The following AGBL4 variants were observed in gnomAD, a reference collection of about 807,000 sequenced individuals.
The protein encoded by AGBL4 is cytosolic carboxypeptidase 6.
Under a neutral mutation model 66.4 loss-of-function variants are expected in AGBL4, and 58 were observed. The ratio of observed to expected loss-of-function variants is 0.87; its 90% CI spans 0.71 to 1.09. The LOEUF is 1.09. Among genes scored for constraint, AGBL4 ranks in the 50% least tolerant of loss-of-function variants. The probability of loss-of-function intolerance (pLI) is 0.00; values close to 1 mark genes in which losing one functional copy is unlikely to be tolerated. For synonymous variants in AGBL4, 234 were observed against 222.9 expected (o/e 1.05, Z -0.44); for missense variants, 579 against 631.0 (o/e 0.92, Z 0.88).
intron 4 of AGBL4, among the ~76,000 whole-genome samples, chr1:49,051,559 T>C (rs1571329028): frequency 6.6e-6 from 1 of 152,172 alleles, no homozygotes; most frequent in African/African-American, 2.4e-5. Context: ...TTGTCATCTA[T>C]GCCAACACAT....
At chr1:48,775,575 T>C (rs1194165282) in intron 6 of AGBL4, among the ~76,000 whole-genome samples, 2 of 152,208 alleles carry the variant, frequency 1.3e-5, no homozygotes, top group African/African-American at 4.8e-5. Context: ...AAAAGGCTGC[T>C]CCCCAAAACG....
intron 6 of AGBL4, among the ~76,000 whole-genome samples, chr1:48,789,977 C>T (rs1645508403): frequency 6.6e-6 from 1 of 152,228 alleles, no homozygotes; most frequent in Non-Finnish European, 1.5e-5. Context: ...TTAAGATGTT[C>T]AGTGCCTATC....
intron 3 of AGBL4, among the ~76,000 whole-genome samples, chr1:49,386,609 A>C (rs879826705): frequency 2.0e-5 from 3 of 151,974 alleles, no homozygotes; most frequent in Non-Finnish European, 4.4e-5. Context: ...TGGAAACACA[A>C]TGTACAGTAA....
intron 3 of AGBL4, among the ~76,000 whole-genome samples, chr1:49,327,873 G>T (rs1645256261): frequency 6.6e-6 from 1 of 152,188 alleles, no homozygotes; most frequent in South Asian, 2.1e-4. Context: ...AGATGATATG[G>T]GAAGAGGGAG....
intron 4 of AGBL4, among the ~76,000 whole-genome samples, chr1:49,185,305 C>T (rs568619043): frequency 6.6e-5 from 10 of 152,288 alleles, no homozygotes; most frequent in East Asian, 1.9e-4. Context: ...TTGCCAGAGA[C>T]GTTATAAACA....
At chr1:48,748,318 T>C (rs1651089512) in intron 6 of AGBL4, among the ~76,000 whole-genome samples, 1 of 152,212 alleles carries the variant, frequency 6.6e-6, no homozygotes, top group African/African-American at 2.4e-5. Context: ...CCCATTAGTC[T>C]TCCAGTGAAA....
chr1:50,006,624 C>A (rs1661149686), intron 1 of AGBL4, among the ~76,000 whole-genome samples: 1 of 150,942 alleles, frequency 6.6e-6, no homozygotes, highest in Non-Finnish European at 1.5e-5. Context: ...CAATGGAAAC[C>A]TTACAGGCCA....
rs530049597 is a variant in AGBL4 at position 49,573,581 on chromosome 1, G to A, written c.282+123732C>T. Among the ~76,000 whole-genome samples the A allele has an allele frequency of 1.9e-3, 282 of 152,212 alleles. 2 individuals are homozygous for A. The highest frequency in any genetic ancestry group is 6.4e-3 in the African/African-American group (267 of 41,548). On this transcript the variant is annotated intron_variant, in intron 3 of 13. Transcript: ENST00000371839. The stretch of plus-strand genomic sequence containing the variant: ...GTAATGAAAGAAAATAATGAACCCA[G>A]GGATTCTGTCTCCCAGCTTCAGAAA...
chr1:48,622,936 C>T (rs1645440469), intron 9 of AGBL4, among the ~76,000 whole-genome samples: 1 of 152,170 alleles, frequency 6.6e-6, no homozygotes, highest in South Asian at 2.1e-4. Context: ...GGTTAAGGAA[C>T]CTGCCCAAAG....
intron 6 of AGBL4, among the ~76,000 whole-genome samples, chr1:48,670,841 G>C (rs1403646624): frequency 1.3e-5 from 2 of 152,256 alleles, no homozygotes; most frequent in African/African-American, 2.4e-5. Flanking sequence ...CTGGGAAACA[G>C]ACTCAGAGGC....
chr1:49,898,258 T>G (rs1255337315), intron 1 of AGBL4, among the ~76,000 whole-genome samples: 1 of 151,714 alleles, frequency 6.6e-6, no homozygotes, highest in African/African-American at 2.4e-5. Flanking sequence ...GCTCCAAAAC[T>G]CTACAGGGGG....
intron 6 of AGBL4, among the ~76,000 whole-genome samples, chr1:48,834,337 G>A (rs1646627285): frequency 6.6e-6 from 1 of 152,136 alleles, no homozygotes; most frequent in South Asian, 2.1e-4. Context: ...GGGCTGATGG[G>A]AGGAATTAAT....
chr1:49,248,270 A>T (rs935475957), intron 3 of AGBL4, among the ~76,000 whole-genome samples: 1 of 152,222 alleles, frequency 6.6e-6, no homozygotes, highest in African/African-American at 2.4e-5. Flanking sequence ...CTTCATTCAC[A>T]TTAGAACAAT....
intron 3 of AGBL4, among the ~76,000 whole-genome samples, chr1:49,254,233 G>C (rs1652298237): frequency 6.6e-6 from 1 of 152,030 alleles, no homozygotes. Context: ...ATCTATCCGT[G>C]TTTCTAGATG....
intron 4 of AGBL4, among the ~76,000 whole-genome samples, chr1:49,052,193 C>T (rs1436297346): frequency 1.3e-5 from 2 of 151,578 alleles, no homozygotes; most frequent in East Asian, 1.9e-4. Context: ...AACCCAATTA[C>T]TTAGGCTTGT....
At chr1:48,954,211 G>A (rs1657241455) in intron 5 of AGBL4, among the ~76,000 whole-genome samples, 1 of 152,106 alleles carries the variant, frequency 6.6e-6, no homozygotes, top group Non-Finnish European at 1.5e-5. Context: ...TTGAAAACCG[G>A]TCAAGAACTT....
At chr1:49,940,853 A>C (rs1654683605) in intron 1 of AGBL4, among the ~76,000 whole-genome samples, 2 of 152,134 alleles carry the variant, frequency 1.3e-5, no homozygotes, top group Admixed American at 1.3e-4. Context: ...AAGTATAATA[A>C]TAATAAAAAA....
chr1:48,797,781 A>G (rs966931378), intron 6 of AGBL4, among the ~76,000 whole-genome samples: 1 of 152,092 alleles, frequency 6.6e-6, no homozygotes, highest in Admixed American at 6.5e-5. Flanking sequence ...TCTTGACCTC[A>G]AGTGATATGC....
intron 3 of AGBL4, among the ~76,000 whole-genome samples, chr1:49,345,301 A>G (rs187848680): frequency 3.7e-4 from 56 of 152,286 alleles, no homozygotes; most frequent in Non-Finnish European, 1.5e-4. Context: ...TGTGCAACAG[A>G]GATAATAAAA....
Sources: allele counts gnomAD v4.1 joint callset (sites outside exome capture counted in the v4.1 genomes callset), GRCh38; gene constraint gnomAD v4.1.1; transcripts MANE v1.5; gene names NCBI Gene and HGNC (gene_info 2026-07-23, HGNC 2026-07-21).